The following C19orf12 variants were observed in gnomAD, a reference collection of about 807,000 sequenced individuals.
C19orf12 encodes the protein chromosome 19 open reading frame 12, also known as protein C19orf12.
A neutral mutation model predicts 3.8 loss-of-function variants in C19orf12; 2 were observed. That is an observed-to-expected ratio of 0.53 (90% CI 0.22 to 1.66). C19orf12 has a LOEUF of 1.66. C19orf12 is among the 40% of genes most tolerant of loss of function. The probability of loss-of-function intolerance (pLI) is 0.20; values close to 1 mark genes in which losing one functional copy is unlikely to be tolerated. For missense variants in C19orf12, 156 were observed against 188.8 expected, an observed-to-expected ratio of 0.83 and a Z score of 1.02; for synonymous variants, 89 against 84.6, an observed-to-expected ratio of 1.05 and a Z score of -0.28.
chr19:29,700,050 G>T lies in C19orf12; in HGVS notation c.*2662C>A. 1 of 453,886 alleles carries T rather than the reference G, an allele frequency of 2.2e-6. No individual in the cohort carries two copies. The highest frequency in any genetic ancestry group is 4.4e-6 in the Non-Finnish European group (1 of 226,764). The allele number at this position is 453,886 out of a possible 1,614,324, so 28.1% of individuals were successfully genotyped here. A position where few individuals can be genotyped will look rare whatever the true frequency, so the allele number is the denominator to read the frequency against. On this transcript the variant is annotated 3_prime_UTR_variant, in exon 3 of 3. Transcript: ENST00000323670. ...TTCACTCAGCAAGGCCTGCTCCATC[G>T]GACACAAAACTGATCAGGAGTTGGA...
chr19:29,699,465 A>G lies in C19orf12; in HGVS notation c.*3247T>C, dbSNP rs1013433196. On this transcript the variant is annotated 3_prime_UTR_variant, in exon 3 of 3. Coordinates refer to ENST00000323670, the MANE Select transcript of C19orf12 (RefSeq NM_031448.6). ...GCTACTGCACTCCAGCCCGGGCGAC[A>G]GTGCGAGACTCCATCTCAAAAAAAA... 2.4e-6 allele frequency: 1 copy of G among 413,992 alleles called. No homozygotes were observed. The allele number at this position is 413,992 out of a possible 1,614,324, so 25.6% of individuals were successfully genotyped here.
At chr19:29,705,510 G>T (rs911687952) in intron 2 of C19orf12, 6 of 209,870 alleles carry the variant, frequency 2.9e-5, no homozygotes, top group South Asian at 1.1e-4. Flanking sequence ...GGTTTCTTAG[G>T]TTTTTTTTTT....
intron 2 of C19orf12, among the ~76,000 whole-genome samples, chr19:29,707,351 G>A (rs757227306): frequency 1.8e-4 from 28 of 152,106 alleles, no homozygotes; most frequent in Admixed American, 4.6e-4. Context: ...AATGAGACTC[G>A]GTCTCAAAAA....
intron 1 of C19orf12, 157 bp downstream of exon 1, chr19:29,714,968 G>T: frequency 1.4e-6 from 1 of 715,598 alleles, no homozygotes; most frequent in Non-Finnish European, 2.6e-6. Context: ...TACACTAACA[G>T]TGTCCACCCC....
chr19:29,715,377 TG>T, upstream of C19orf12: 1 of 395,072 alleles, frequency 2.5e-6, no homozygotes, highest in Non-Finnish European at 5.1e-6. Context: ...GGGTCGCTGC[TG>T]GGCACCCCCT....
intron 2 of C19orf12, chr19:29,705,277 C>T (rs1457470400): frequency 1.1e-5 from 5 of 439,756 alleles, no homozygotes; most frequent in African/African-American, 1.0e-4. Flanking sequence ...GAAATACCTG[C>T]CCAGTACTCC....
In C19orf12 at chr19:29,700,913, G is replaced by A. The variant is rs1414577703; in HGVS notation, c.*1799C>T. ...AAGTCCCTGCCCTGCCCCAGGACCT[G>A]GGGACCAAGGAATAACATTTTTTGT... is the stretch of plus-strand genomic sequence containing the variant. On this transcript the variant is annotated 3_prime_UTR_variant, in exon 3 of 3. Transcript: ENST00000323670. The A allele has an allele frequency of 2.2e-6, 1 of 453,930 alleles. No homozygotes were observed. Among genetic ancestry groups the A allele is most frequent in the African/African-American group, 2.0e-5 (1 of 49,996 alleles). The allele number at this position is 453,930 out of a possible 1,614,324, so 28.1% of individuals were successfully genotyped here.
chr19:29,699,482 CAA>C lies in C19orf12; in HGVS notation c.*3228_*3229del, dbSNP rs60814860. On this transcript the variant is annotated 3_prime_UTR_variant, in exon 3 of 3. Transcript: ENST00000323670. ...CGGGCGACAGTGCGAGACTCCATCT[CAA>C]AAAAAAAAAAAAGAAAAAAAGAAAA... is the stretch of plus-strand genomic sequence containing the variant. The C allele has an allele frequency of 0.1, 36,861 of 357,532 alleles. 724 individuals carry two copies. Among genetic ancestry groups the C allele is most frequent in the East Asian group, 0.28 (3,675 of 12,948 alleles). The allele number at this position is 357,532 out of a possible 1,614,324, so 22.1% of individuals were successfully genotyped here.
chr19:29,705,402 CAAAAAAAAAA>C (rs34101444), intron 2 of C19orf12: 13 of 111,020 alleles, frequency 1.2e-4, no homozygotes, highest in South Asian at 4.4e-4. Context: ...ATCCTGAAAC[CAAAAAAAAAA>C]AAAAAAAAAA....
At chr19:29,714,389 G>A (rs1972847886) in intron 1 of C19orf12, among the ~76,000 whole-genome samples, 1 of 152,034 alleles carries the variant, frequency 6.6e-6, no homozygotes. Context: ...AGCTACTAGG[G>A]AGGCTGAGGC....
rs1034190590 is a variant in C19orf12, at chr19:29,701,550, T to C, written c.*1162A>G. On this transcript the variant is annotated 3_prime_UTR_variant, in exon 3 of 3. Transcript: ENST00000323670. Reference sequence around the variant, plus strand: ...CTATCCAAGGCTGGTTGGATCTAAATGTGGAGACCACAGTTACGGAGAGCT... The same window carrying C: ...CTATCCAAGGCTGGTTGGATCTAAACGTGGAGACCACAGTTACGGAGAGCT... 2.2e-6 allele frequency: 1 copy of C among 454,042 alleles called. No homozygotes were observed. 28.1% of individuals were successfully genotyped at this position (454,042 alleles called of 1,614,324 possible). A position where few individuals can be genotyped will look rare whatever the true frequency, so the allele number is the denominator to read the frequency against.
chr19:29,708,164 C>T, intron 2 of C19orf12, 90 bp downstream of exon 2: 1 of 1,563,478 alleles, frequency 6.4e-7, no homozygotes. Context: ...CAGGCATGAG[C>T]CACACTGTGC....
chr19:29,705,828 T>C (rs1351642699), intron 2 of C19orf12, among the ~76,000 whole-genome samples: 1 of 152,060 alleles, frequency 6.6e-6, no homozygotes, highest in African/African-American at 2.4e-5. Context: ...CCCATTTTAG[T>C]TTTGACAAGC....
chr19:29,715,092 G>A (rs1972891337), intron 1 of C19orf12, 33 bp downstream of exon 1: 6 of 592,092 alleles, frequency 1.0e-5, no homozygotes, highest in Non-Finnish European at 1.8e-5. Context: ...CGGCCTGGGA[G>A]GCGCCCCGCC....
chr19:29,714,165 G>A (rs1044362582), intron 1 of C19orf12, among the ~76,000 whole-genome samples: 7 of 152,064 alleles, frequency 4.6e-5, no homozygotes, highest in Non-Finnish European at 7.3e-5. Flanking sequence ...TGGAACTACA[G>A]GTGCTATTCC....
At position 29,700,358 on chromosome 19, in the gene C19orf12, A is replaced by T. The variant is rs747979730; in HGVS notation, c.*2354T>A. 1 of 454,106 alleles carries T rather than the reference A, an allele frequency of 2.2e-6. No individual in the cohort carries two copies. The highest frequency in any genetic ancestry group is 1.6e-5 in the South Asian group (1 of 64,432). 28.1% of individuals were successfully genotyped at this position (454,106 alleles called of 1,614,324 possible). ...CCCCAACTTTGAAGCACTGAACCAAACATCTTTGTTGAGGTTTCATTCTCA... is the reference window on the plus strand; with the variant it reads ...CCCCAACTTTGAAGCACTGAACCAATCATCTTTGTTGAGGTTTCATTCTCA... On this transcript the variant is annotated 3_prime_UTR_variant, in exon 3 of 3. Coordinates refer to ENST00000323670, the MANE Select transcript of C19orf12 (RefSeq NM_031448.6).
chr19:29,708,560 C>G lies in C19orf12; in HGVS notation c.-10-137G>C, dbSNP rs1180880677. Reference sequence around the variant, plus strand: ...TCAGCAGCTCCAAGCGCCTGTATGACAGACAGCATCCAGACGGTGGAAAGT... The same window carrying G: ...TCAGCAGCTCCAAGCGCCTGTATGAGAGACAGCATCCAGACGGTGGAAAGT... On this transcript the variant is annotated intron_variant, in intron 1 of 2. Transcript: ENST00000323670. 4.6e-6 allele frequency: 5 copies of G among 1,079,006 alleles called. No individual in the cohort carries two copies. In the East Asian group the frequency reaches 1.2e-4, roughly 27 times the overall value. 66.8% of individuals were successfully genotyped at this position (1,079,006 alleles called of 1,614,324 possible).
At chr19:29,709,977 T>TC (rs1157958333) in intron 1 of C19orf12, among the ~76,000 whole-genome samples, 1 of 152,096 alleles carries the variant, frequency 6.6e-6, no homozygotes, top group Non-Finnish European at 1.5e-5. Context: ...GCTACAGTGA[T>TC]CCCCCCACCT....
rs201118405 is a variant in C19orf12, at chr19:29,708,345, C to T, written c.69G>A (p.Ala23=). 10,223 of 1,614,144 alleles carry T rather than the reference C, an allele frequency of 6.3e-3. 50 individuals carry two copies. The highest frequency in any genetic ancestry group is 8.0e-3 in the Non-Finnish European group (9,420 of 1,180,024). ...CACCCTTCCCAGAGTGCTTGACAGC[C>T]GCCTTCATCTTCCTCTCCCCAGAAA... ...CSLSGERKMK[A]AVKHSGKGAL... Residue 23 remains alanine, a synonymous_variant, in exon 2 of 3, where the codon GCG becomes GCA. Coordinates refer to ENST00000323670, the MANE Select transcript of C19orf12 (RefSeq NM_031448.6).
Sources: gnomAD v4.1 joint callset for allele counts (sites outside exome capture counted in the v4.1 genomes callset) on GRCh38, gnomAD v4.1.1 for gene constraint, MANE v1.5 for transcripts, NCBI Gene and HGNC (gene_info 2026-07-23, HGNC 2026-07-21) for gene names.